The following NELL1 variants were observed in gnomAD, a reference collection of about 807,000 sequenced individuals.
NELL1 encodes protein kinase C-binding protein NELL1.
In NELL1, 76 loss-of-function variants were observed where a neutral mutation model predicts 107.4. That is an observed-to-expected ratio of 0.71 (90% CI 0.59 to 0.86). The LOEUF (loss-of-function observed/expected upper bound fraction) is 0.86, where lower values mean the gene tolerates loss of function less well. Among genes scored for constraint, NELL1 ranks in the 40% least tolerant of loss-of-function variants. NELL1 has a pLI of 0.00. For synonymous variants in NELL1, 353 were observed against 341.2 expected (o/e 1.03, Z -0.38); for missense variants, 1,024 against 1,005.5 (o/e 1.02, Z -0.25).
intron 4 of NELL1, among the ~76,000 whole-genome samples, chr11:20,882,170 C>A (rs1364078084): frequency 1.3e-5 from 2 of 152,190 alleles, no homozygotes; most frequent in African/African-American, 4.8e-5. Context: ...TGTATAGCTC[C>A]CCTTCTATAG....
chr11:21,557,378 T>C (rs1856740742), intron 16 of NELL1, among the ~76,000 whole-genome samples: 1 of 152,056 alleles, frequency 6.6e-6, no homozygotes, highest in Non-Finnish European at 1.5e-5. Context: ...AGAAAATCAC[T>C]ACCAATATAT....
At chr11:20,950,754 G>A (rs1851053982) in intron 11 of NELL1, among the ~76,000 whole-genome samples, 1 of 152,238 alleles carries the variant, frequency 6.6e-6, no homozygotes, top group African/African-American at 2.4e-5. Context: ...CTGGTTGGCA[G>A]CAAGGAAGCA....
intron 12 of NELL1, among the ~76,000 whole-genome samples, chr11:21,107,686 G>C (rs769873481): frequency 7.9e-5 from 12 of 152,284 alleles, no homozygotes; most frequent in Middle Eastern, 3.4e-3. Context: ...TGCAAAAAGA[G>C]GGGGTGGCCC....
At chr11:21,570,700 C>A (rs1189069308) in intron 17 of NELL1, 64 bp from the exon 18 acceptor site, 6 of 1,508,722 alleles carry the variant, frequency 4.0e-6, no homozygotes, top group Non-Finnish European at 3.6e-6. Flanking sequence ...AAGTTCATTT[C>A]TCTTAGTGTA....
chr11:21,542,170 A>C (rs1236261905), intron 16 of NELL1, among the ~76,000 whole-genome samples: 1 of 152,126 alleles, frequency 6.6e-6, no homozygotes, highest in Non-Finnish European at 1.5e-5. Context: ...ATAGGAGGAA[A>C]GCCCTCTTAC....
chr11:21,245,638 C>T (rs939407804), intron 14 of NELL1, among the ~76,000 whole-genome samples: 5 of 152,130 alleles, frequency 3.3e-5, no homozygotes, highest in African/African-American at 7.2e-5. Flanking sequence ...CCCTCACTGG[C>T]GTAGGCAGGC....
intron 15 of NELL1, among the ~76,000 whole-genome samples, chr11:21,478,528 C>A (rs1471122529): frequency 6.6e-6 from 1 of 152,020 alleles, no homozygotes; most frequent in East Asian, 1.9e-4. Context: ...GTAATAAAAT[C>A]AACATGGATT....
chr11:21,551,908 C>A (rs575248045), intron 16 of NELL1, among the ~76,000 whole-genome samples: 55 of 147,378 alleles, frequency 3.7e-4, no homozygotes, highest in African/African-American at 1.3e-3. Flanking sequence ...CAATGATAGA[C>A]TGGATTAAGA....
Position 21,071,129 on chromosome 11 carries a change from A to G in NELL1, c.1301-42460A>G, listed in dbSNP as rs74397162. Reference sequence around the variant, plus strand: ...GTGACTTGGTTTTAAATCCTGCCCCATTCGCTGTGTAATCTTGGGCAAATT... The same window carrying G: ...GTGACTTGGTTTTAAATCCTGCCCCGTTCGCTGTGTAATCTTGGGCAAATT... On this transcript the variant is annotated intron_variant, in intron 12 of 19. Coordinates refer to ENST00000357134, the MANE Select transcript of NELL1 (RefSeq NM_006157.5). Among the ~76,000 whole-genome samples the G allele has an allele frequency of 0.011, 1,694 of 152,262 alleles. 73 individuals are homozygous for G. The South Asian group carries it at 0.13, about 12-fold the overall frequency.
At chr11:20,996,515 G>A (rs540419468) in intron 12 of NELL1, among the ~76,000 whole-genome samples, 126 of 152,148 alleles carry the variant, frequency 8.3e-4, no homozygotes, top group African/African-American at 2.7e-3. Flanking sequence ...CTGCCTGGGC[G>A]GTCCACCTTG....
chr11:20,776,769 G>A (rs1377489770), intron 2 of NELL1, among the ~76,000 whole-genome samples: 1 of 152,088 alleles, frequency 6.6e-6, no homozygotes. Context: ...GTGGGCTGTG[G>A]GGGAGAGGAA....
At chr11:21,563,695 T>G (rs1397955944) in intron 17 of NELL1, among the ~76,000 whole-genome samples, 1 of 152,000 alleles carries the variant, frequency 6.6e-6, no homozygotes, top group Non-Finnish European at 1.5e-5. Context: ...ATAAGGGACT[T>G]GAACATCTGC....
At chr11:21,290,420 T>TA (rs1214396107) in intron 14 of NELL1, among the ~76,000 whole-genome samples, 1 of 151,228 alleles carries the variant, frequency 6.6e-6, no homozygotes, top group African/African-American at 2.4e-5. Context: ...AATAAATAAA[T>TA]AAATAAATAA....
intron 15 of NELL1, among the ~76,000 whole-genome samples, chr11:21,384,396 C>T (rs922013975): frequency 6.6e-6 from 1 of 151,774 alleles, no homozygotes; most frequent in Non-Finnish European, 1.5e-5. Context: ...CACTTTTTAT[C>T]CCCTTTTTCT....
At chr11:20,761,843 T>C (rs967986655) in intron 2 of NELL1, among the ~76,000 whole-genome samples, 10 of 152,262 alleles carry the variant, frequency 6.6e-5, no homozygotes, top group Non-Finnish European at 1.3e-4. Context: ...GGCCATTTGA[T>C]AAATGTTGAT....
rs183612647 is a variant in NELL1, at chr11:20,929,779, C to T, written c.997+1300C>T. Among the ~76,000 whole-genome samples the T allele has an allele frequency of 2.2e-4, 33 of 152,210 alleles. No individual in the cohort carries two copies. The South Asian group carries it at 4.4e-3, about 20-fold the overall frequency. ...CTGAGGTCAGGAGTTTGAGACCAGC[C>T]TGGCCAACATGGCGAAATCCCGTCT... On this transcript the variant is annotated intron_variant, in intron 9 of 19. Transcript: ENST00000357134.
chr11:21,191,360 C>G (rs540524130), intron 13 of NELL1, among the ~76,000 whole-genome samples: 4 of 151,766 alleles, frequency 2.6e-5, no homozygotes, highest in African/African-American at 9.7e-5. Flanking sequence ...CATTAAGTCA[C>G]AAGCCAAAGA....
At chr11:20,686,165 G>C (rs962930546) in intron 2 of NELL1, among the ~76,000 whole-genome samples, 1 of 151,808 alleles carries the variant, frequency 6.6e-6, no homozygotes, top group Non-Finnish European at 1.5e-5. Context: ...GCTGTGAATT[G>C]TGTGTTCAGA....
intron 15 of NELL1, among the ~76,000 whole-genome samples, chr11:21,389,401 T>G (rs2133780265): frequency 6.6e-6 from 1 of 151,960 alleles, no homozygotes; most frequent in Admixed American, 6.6e-5. Flanking sequence ...CCTCAATTCT[T>G]ATAACCTTTA....
Sources: allele counts gnomAD v4.1 joint callset (sites outside exome capture counted in the v4.1 genomes callset), GRCh38; gene constraint gnomAD v4.1.1; transcripts MANE v1.5; gene names NCBI Gene and HGNC (gene_info 2026-07-23, HGNC 2026-07-21).